Variants in C3 observed in about 807,000 individuals in gnomAD.
The protein encoded by C3 is C3 and PZP-like alpha-2-macroglobulin domain-containing protein 1.
C3 carries 97 observed loss-of-function variants against 207.9 expected under a neutral mutation model. The observed-to-expected ratio is 0.47, with a 90% CI of 0.40 to 0.55. C3 has a LOEUF of 0.55. Ranked by LOEUF, C3 falls within the 20% of genes least tolerant of loss-of-function variation. The pLI is 0.00. For missense variants in C3, 1,684 were observed against 2,171.7 expected, an observed-to-expected ratio of 0.78 and a Z score of 4.46; for synonymous variants, 848 against 857.6, an observed-to-expected ratio of 0.99 and a Z score of 0.20.
intron 29 of C3, 139 bp from the exon 30 acceptor site, chr19:6,685,285 A>G (rs1028972409): frequency 2.6e-6 from 2 of 770,834 alleles, no homozygotes; most frequent in Admixed American, 2.0e-5. Flanking sequence ...CAGGGGTGAT[A>G]ACTGGAGGTC....
At chr19:6,709,452 C>A (rs1967856978) in intron 14 of C3, among the ~76,000 whole-genome samples, 1 of 151,822 alleles carries the variant, frequency 6.6e-6, no homozygotes, top group Admixed American at 6.6e-5. Context: ...GTCTCAAAAA[C>A]AAACAAACAA....
rs888299834 is a variant in C3, at chr19:6,677,980, G to T, written c.4894C>A (p.Pro1632Thr). Residue 1632 changes from proline to threonine, a missense_variant, in exon 41 of 41, where the codon CCC becomes ACC. Coordinates refer to ENST00000245907, the MANE Select transcript of C3 (RefSeq NM_000064.4). ...IGKDTWVEHW[P>T]EEDECQDEEN... is the part of the protein sequence containing the mutation. ...TCGTCTTGGCATTCGTCCTCCTCGG[G>T]CCAGTGCTCCACCCAAGTGTCCTTC... 1.2e-6 allele frequency: 2 copies of T among 1,614,130 alleles called. No individual in the cohort carries two copies. The highest frequency in any genetic ancestry group is 1.7e-6 in the Non-Finnish European group (2 of 1,180,026).
rs572536969 is a variant in C3, at chr19:6,705,269, G to A, written c.2245+1807C>T. Reference sequence around the variant, plus strand: ...TTTTCCCAGTGACCCTCACACTATCGCCTCTTTGTGAAGGAGATCATTCTA... The same window carrying A: ...TTTTCCCAGTGACCCTCACACTATCACCTCTTTGTGAAGGAGATCATTCTA... On this transcript the variant is annotated intron_variant, in intron 17 of 40. Coordinates refer to ENST00000245907, the MANE Select transcript of C3 (RefSeq NM_000064.4). Among the ~76,000 whole-genome samples, 8 of 151,768 alleles carry A rather than the reference G, an allele frequency of 5.3e-5. 1 individual carries two copies. The highest frequency in any genetic ancestry group is 7.2e-5 in the African/African-American group (3 of 41,386).
In C3 at chr19:6,686,147, C is replaced by T. The variant is rs746723271; in HGVS notation, c.3787G>A (p.Gly1263Ser). 5.6e-6 allele frequency: 9 copies of T among 1,613,998 alleles called. No homozygotes were observed. The highest frequency in any genetic ancestry group is 7.6e-6 in the Non-Finnish European group (9 of 1,180,036). The change falls in exon 29 of 41, where the codon GGT becomes AGT. Residue 1263 changes from glycine to serine, a missense_variant. Physicochemically the swap from Gly to Ser is moderately conservative, Grantham distance 56 (BLOSUM62 0). Coordinates refer to ENST00000245907, the MANE Select transcript of C3 (RefSeq NM_000064.4). ...VRWLNEQRYY[G>S]GGYGSTQATF... ...GCCTGGGTAGAGCCATAGCCACCACCGTAGTATCTCTGTTCATTGAGCCAA... is the reference window on the plus strand; with the variant it reads ...GCCTGGGTAGAGCCATAGCCACCACTGTAGTATCTCTGTTCATTGAGCCAA...
intron 28 of C3, 123 bp downstream of exon 28, chr19:6,686,623 C>T: frequency 9.7e-7 from 1 of 1,030,124 alleles, no homozygotes; most frequent in Non-Finnish European, 1.5e-6. Flanking sequence ...TAGGACTATC[C>T]ATCTCAGCTT....
intron 5 of C3, 43 bp downstream of exon 5, chr19:6,714,309 G>C: frequency 6.2e-7 from 1 of 1,607,462 alleles, no homozygotes; most frequent in Non-Finnish European, 8.5e-7. Flanking sequence ...CCCTCTCCGG[G>C]GATAGGGGAG....
In C3 at chr19:6,682,133, C is replaced by A. The variant is rs751920993; in HGVS notation, c.4260+9G>T. On this transcript the variant is annotated intron_variant, in intron 34 of 40. Transcript: ENST00000245907. The stretch of plus-strand genomic sequence containing the variant: ...TTTCCACTTATCCCAGCTCCTGAGC[C>A]CTTCATACCTGCTTCAGGTCATCTG... 1.2e-6 allele frequency: 2 copies of A among 1,612,574 alleles called. No individual in the cohort carries two copies. Among genetic ancestry groups the A allele is most frequent in the African/African-American group, 2.7e-5 (2 of 74,880 alleles).
intron 27 of C3, among the ~76,000 whole-genome samples, chr19:6,689,360 C>CCTCTCTCTCTCTCTCT (rs1218148901): frequency 1.2e-4 from 2 of 16,546 alleles, no homozygotes; most frequent in African/African-American, 5.3e-4. Flanking sequence ...TCCCTCCCTC[C>CCTCTCTCTCTCTCTCT]CTCTCTCTCT....
chr19:6,708,082 CT>C (rs1198496965), intron 14 of C3, among the ~76,000 whole-genome samples, 153 bp from the exon 15 acceptor site: 2 of 149,662 alleles, frequency 1.3e-5, no homozygotes, highest in East Asian at 4.0e-4. Context: ...TTCTCTTTCT[CT>C]TTCCTTCCTT....
At chr19:6,684,874 A>C (rs182650473) in intron 30 of C3, 40 bp from the exon 31 acceptor site, 1 of 1,611,736 alleles carries the variant, frequency 6.2e-7, no homozygotes, top group Non-Finnish European at 8.5e-7. Context: ...GTTGGGAATT[A>C]AGCCTTCTGC....
intron 4 of C3, chr19:6,717,536 G>A: frequency 4.0e-6 from 1 of 249,646 alleles, no homozygotes; most frequent in South Asian, 4.6e-5. Context: ...GTGGTTGTGT[G>A]TTGTGTGGTT....
At position 6,714,357 on chromosome 19, in the gene C3, G is replaced by T; in HGVS notation, c.594C>A (p.Leu198=). Residue 198 remains leucine, a synonymous_variant, in exon 5 of 41, where the codon CTC becomes CTA. Transcript: ENST00000245907. ...TCCTCAAGAACCTGACATACTTGAC[G>T]AGTTCCGGAATGTCCCAAGACAAGG... ...VLPLSWDIPE[L]VNMGQWKIRA... 6.2e-7 allele frequency: 1 copy of T among 1,613,520 alleles called. No homozygotes were observed. Among genetic ancestry groups the T allele is most frequent in the Non-Finnish European group, 8.5e-7 (1 of 1,179,702 alleles).
Position 6,686,116 on chromosome 19 carries a change from C to A in C3, c.3810+8G>T. The A allele has an allele frequency of 6.2e-7, 1 of 1,613,880 alleles. No individual in the cohort carries two copies. The highest frequency in any genetic ancestry group is 2.2e-5 in the East Asian group (1 of 44,886). On this transcript the variant is annotated splice_region_variant and intron_variant, in intron 29 of 40. Coordinates refer to ENST00000245907, the MANE Select transcript of C3 (RefSeq NM_000064.4). ...ATGCATGTGCCTAGGGGCTGTGGGC[C>A]CACTTGCCTGGGTAGAGCCATAGCC...
Position 6,697,353 on chromosome 19 carries a change from C to T in C3, c.2787G>A (p.Leu929=). The change falls in exon 21 of 41, where the codon CTG becomes CTA. Residue 929 remains leucine (L), a synonymous_variant. Transcript: ENST00000245907. ...TGCCCCAAGCACTCACCACGACCTT[C>T]AGGGACTTCCTGACACCGTCACTGA... ...HFISDGVRKS[L]KVVPEGIRMN... The T allele has an allele frequency of 6.2e-7, 1 of 1,613,966 alleles. No homozygotes were observed. Among genetic ancestry groups the T allele is most frequent in the East Asian group, 2.2e-5 (1 of 44,874 alleles).
rs527541970 is a variant in C3, at chr19:6,692,745, T to C, written c.3390+179A>G. The stretch of plus-strand genomic sequence containing the variant: ...TGCGCTGGGCTTCGCAGGTCTCTGG[T>C]TTTTGCAATGCTGGAGTGACGCCTC... On this transcript the variant is annotated intron_variant, in intron 26 of 40. Transcript: ENST00000245907. Among the ~76,000 whole-genome samples the C allele has an allele frequency of 4.7e-3, 714 of 152,144 alleles. 4 individuals are homozygous for C. The highest frequency in any genetic ancestry group is 0.016 in the African/African-American group (664 of 41,500).
chr19:6,695,546 C>T (rs1024754549), intron 23 of C3, among the ~76,000 whole-genome samples: 2 of 152,184 alleles, frequency 1.3e-5, no homozygotes, highest in South Asian at 4.1e-4. Flanking sequence ...GTGGCCTGAT[C>T]TCGGCTTACT....
At chr19:6,701,246 T>G (rs1340041719) in intron 19 of C3, among the ~76,000 whole-genome samples, 1 of 152,140 alleles carries the variant, frequency 6.6e-6, no homozygotes, top group African/African-American at 2.4e-5. Context: ...GAAAACACCC[T>G]AGAGTTGTGT....
rs201285239 is a variant in C3 at position 6,707,117 on chromosome 19, C to A, written c.2204G>T (p.Arg735Leu). The A allele has an allele frequency of 6.2e-7, 1 of 1,613,168 alleles. No homozygotes were observed. Among genetic ancestry groups the A allele is most frequent in the African/African-American group, 1.3e-5 (1 of 74,800 alleles). The change falls in exon 17 of 41, where the codon CGG becomes CTG. Residue 735 changes from arginine (R) to leucine (L), a missense_variant. Physicochemically the swap from Arg to Leu is moderately radical, Grantham distance 102. This residue lies in a region of C3 where 1,280 missense variants were observed against 1,739.1 expected (regional missense o/e 0.74). Coordinates refer to ENST00000245907, the MANE Select transcript of C3 (RefSeq NM_000064.4). ...LDCCNYITELRRQHARASHLG... is the reference protein window; with the variant it reads ...LDCCNYITELLRQHARASHLG... ...GTGGCTGGCCCGCGCGTGCTGCCGC[C>A]GCAGCTCTGTGATGTAGTTGCAGCA...
At chr19:6,696,500 C>A in intron 22 of C3, 35 bp from the exon 23 acceptor site, 1 of 1,596,434 alleles carries the variant, frequency 6.3e-7, no homozygotes, top group African/African-American at 1.3e-5. Context: ...ATGGCTCTAG[C>A]TCCCTCCCGC....
Sources: gnomAD v4.1 joint callset for allele counts (sites outside exome capture counted in the v4.1 genomes callset) on GRCh38, gnomAD v4.1.1 for gene constraint, gnomAD v4.1.1 regional missense constraint, MANE v1.5 for transcripts, NCBI Gene and HGNC (gene_info 2026-07-23, HGNC 2026-07-21) for gene names.